The following TENM3 variants were observed in gnomAD, a reference collection of about 807,000 sequenced individuals.
TENM3 encodes the protein teneurin transmembrane protein 3, also known as teneurin-3.
TENM3 carries 63 observed loss-of-function variants against 255.1 expected under a neutral mutation model. The observed-to-expected ratio is 0.25, with a 90% CI of 0.20 to 0.30. The LOEUF is 0.30. TENM3 is among the 10% of genes least tolerant of loss of function. TENM3 has a pLI of 1.00. For synonymous variants in TENM3, 1,306 were observed against 1,322.3 expected, an observed-to-expected ratio of 0.99 and a Z score of 0.27; for missense variants, 2,929 against 3,461.1, an observed-to-expected ratio of 0.85 and a Z score of 3.86.
At chr4:182,427,334 C>G (rs553370813) in intron 3 of TENM3, among the ~76,000 whole-genome samples, 4 of 152,078 alleles carry the variant, frequency 2.6e-5, no homozygotes, top group African/African-American at 9.7e-5. Flanking sequence ...AAACTTTACA[C>G]GACCAAAAGG....
the TENM3 span, among the ~76,000 whole-genome samples, chr4:181,949,109 T>C: frequency 1.3e-5 from 2 of 152,130 alleles, no homozygotes; most frequent in African/African-American, 4.8e-5. Context: ...CATTCCTGCC[T>C]CCAAGCAACC....
intron 3 of TENM3, among the ~76,000 whole-genome samples, chr4:182,536,083 A>G (rs938374395): frequency 6.6e-6 from 1 of 152,228 alleles, no homozygotes; most frequent in Non-Finnish European, 1.5e-5. Context: ...ACGAACAAAT[A>G]TGGTGTATTT....
At chr4:181,713,131 G>T in the TENM3 span, among the ~76,000 whole-genome samples, 1 of 152,168 alleles carries the variant, frequency 6.6e-6, no homozygotes, top group Admixed American at 6.5e-5. Flanking sequence ...TTAGACTGTT[G>T]GCACCTTCTA....
At chr4:182,758,245 C>T (rs1459083402) in intron 22 of TENM3, among the ~76,000 whole-genome samples, 1 of 152,080 alleles carries the variant, frequency 6.6e-6, no homozygotes. Flanking sequence ...TCTTCCCATA[C>T]ATTCTTGTAA....
intron 2 of TENM3, among the ~76,000 whole-genome samples, chr4:182,325,634 C>A (rs1366942785): frequency 1.3e-5 from 2 of 151,718 alleles, no homozygotes; most frequent in African/African-American, 4.8e-5. Context: ...TACATTTTTT[C>A]AACAATTTAA....
chr4:182,799,061 C>T lies in TENM3; in HGVS notation c.7345-535C>T, dbSNP rs1766703432. On this transcript the variant is annotated intron_variant, in intron 27 of 27. Transcript: ENST00000511685. This position sits in a 1 kb window ranked among gnomAD's most constrained non-coding sequence, Gnocchi z 4.2. ...CTCATCCCTGTACATTTCAGTTCTG[C>T]GGTTACACTCACCATCTTCAGCTGA... 6.6e-6 allele frequency among the ~76,000 whole-genome samples: 1 copy of T among 152,202 alleles called. No individual in the cohort carries two copies. Among genetic ancestry groups the T allele is most frequent in the African/African-American group, 2.4e-5 (1 of 41,442 alleles).
At chr4:181,970,604 A>G in the TENM3 span, among the ~76,000 whole-genome samples, 13 of 152,260 alleles carry the variant, frequency 8.5e-5, no homozygotes, top group Admixed American at 3.9e-4. Context: ...ATCGTATGAT[A>G]TATCTTTTAA....
the TENM3 span, among the ~76,000 whole-genome samples, chr4:181,764,231 C>A: frequency 9.0e-6 from 1 of 111,412 alleles, no homozygotes; most frequent in African/African-American, 3.1e-5. Context: ...ATAAGACATA[C>A]AAGAAGAGGG....
chr4:182,144,560 G>A (rs1344405649), upstream of TENM3: 2 of 149,920 alleles, frequency 1.3e-5, no homozygotes, highest in African/African-American at 2.4e-5. Flanking sequence ...GGGGCGGGCA[G>A]GGAAGGAAGT....
the TENM3 span, among the ~76,000 whole-genome samples, chr4:181,548,389 T>C: frequency 6.6e-6 from 1 of 152,244 alleles, no homozygotes; most frequent in East Asian, 1.9e-4. Context: ...CTATTCACAA[T>C]GGCAAAGACT....
chr4:181,683,864 G>C, the TENM3 span, among the ~76,000 whole-genome samples: 3 of 152,128 alleles, frequency 2.0e-5, no homozygotes, highest in South Asian at 4.1e-4. Flanking sequence ...CACCACCTGA[G>C]CAGCCTTCGA....
chr4:182,685,826 AG>A (rs1756527715), intron 11 of TENM3, among the ~76,000 whole-genome samples: 1 of 152,100 alleles, frequency 6.6e-6, no homozygotes, highest in Non-Finnish European at 1.5e-5. Context: ...AAGTTATTAT[AG>A]TATATTACCT....
At chr4:182,349,582 G>A (rs1349470615) in intron 3 of TENM3, among the ~76,000 whole-genome samples, 1 of 152,094 alleles carries the variant, frequency 6.6e-6, no homozygotes, top group Non-Finnish European at 1.5e-5. Flanking sequence ...CTGGGTTATA[G>A]TAAGAAGTGA....
the TENM3 span, among the ~76,000 whole-genome samples, chr4:181,697,586 G>A: frequency 6.6e-6 from 1 of 152,044 alleles, no homozygotes; most frequent in South Asian, 2.1e-4. Flanking sequence ...TAGAGAAGGG[G>A]TTTCACCATG....
intron 12 of TENM3, among the ~76,000 whole-genome samples, chr4:182,710,286 G>C (rs917026859): frequency 2.0e-5 from 3 of 152,084 alleles, no homozygotes; most frequent in African/African-American, 7.2e-5. Context: ...GCTGTTACAG[G>C]GTTCTACTAG....
intron 12 of TENM3, among the ~76,000 whole-genome samples, chr4:182,692,255 T>C (rs750862257): frequency 1.3e-5 from 2 of 152,222 alleles, no homozygotes; most frequent in Non-Finnish European, 2.9e-5. Flanking sequence ...GCAAATGCAG[T>C]GGTAGGCTCT....
At chr4:181,457,006 C>T in the TENM3 span, among the ~76,000 whole-genome samples, 5 of 151,884 alleles carry the variant, frequency 3.3e-5, no homozygotes, top group African/African-American at 1.2e-4. Flanking sequence ...ATCTAAGGGA[C>T]AGCATCAACC....
At chr4:181,910,952 T>G in the TENM3 span, among the ~76,000 whole-genome samples, 11 of 152,216 alleles carry the variant, frequency 7.2e-5, no homozygotes, top group Non-Finnish European at 1.5e-4. Flanking sequence ...CTATTATCAA[T>G]GTTGCTGCAA....
At chr4:181,628,749 G>A in the TENM3 span, among the ~76,000 whole-genome samples, 1 of 152,192 alleles carries the variant, frequency 6.6e-6, no homozygotes, top group African/African-American at 2.4e-5. Flanking sequence ...TTGTAGTATA[G>A]TTTGAAGTCA....
Sources: gnomAD v4.1 joint callset for allele counts (sites outside exome capture counted in the v4.1 genomes callset) on GRCh38, gnomAD v4.1.1 for gene constraint, Gnocchi (gnomAD v3.1) non-coding constraint, MANE v1.5 for transcripts, NCBI Gene and HGNC (gene_info 2026-07-23, HGNC 2026-07-21) for gene names.